TPM1: variants seen among roughly 807,000 people sequenced by gnomAD.
TPM1 encodes the protein tropomyosin 1.
A neutral mutation model predicts 42.9 loss-of-function variants in TPM1; 24 were observed. That is an observed-to-expected ratio of 0.56 (90% confidence interval 0.41 to 0.79). The LOEUF (loss-of-function observed/expected upper bound fraction) is 0.79, where lower values mean the gene tolerates loss of function less well. Ranked by LOEUF, TPM1 falls within the 30% of genes least tolerant of loss-of-function variation. The pLI is 0.00. For missense variants in TPM1, 158 were observed against 351.8 expected (o/e 0.45, Z 4.41); for synonymous variants, 136 against 130.1 (o/e 1.05, Z -0.31).
At chr15:63,043,689 C>A in intron 1 of TPM1, 2 of 1,542,532 alleles carry the variant, frequency 1.3e-6, no homozygotes, top group African/African-American at 1.4e-5. Context: ...CCCGCGCCCG[C>A]CCGCCGCTGC....
At chr15:63,057,356 C>T (rs752427030) in intron 3 of TPM1, among the ~76,000 whole-genome samples, 1 of 152,172 alleles carries the variant, frequency 6.6e-6, no homozygotes, top group African/African-American at 2.4e-5. Flanking sequence ...GATCTTGTTC[C>T]TGCCCTTACA....
downstream of TPM1, chr15:63,070,802 C>T (rs577455713): frequency 4.2e-4 from 514 of 1,227,170 alleles, no homozygotes; most frequent in African/African-American, 1.5e-3. Flanking sequence ...CACGGCACAC[C>T]GTCAGTGAAC....
At chr15:63,060,803 C>G (rs982516535) in intron 4 of TPM1, 66 bp from the exon 5 acceptor site, 3 of 1,560,034 alleles carry the variant, frequency 1.9e-6, no homozygotes, top group African/African-American at 2.7e-5. Context: ...ATCTCTACCC[C>G]CATGCCCTTC....
intron 2 of TPM1, chr15:63,056,711 A>C: frequency 2.3e-6 from 1 of 444,236 alleles, no homozygotes; most frequent in Non-Finnish European, 4.2e-6. Flanking sequence ...GAAGAAAGGA[A>C]CCATGTGAAA....
In TPM1 at chr15:63,064,040, C is replaced by G. The variant is rs185691326; in HGVS notation, c.773-24C>G. ...GATCACTCTCCATGTTCTTGCACCT[C>G]TGCCTTCCACTTCCTGGTCATAGAC... is the stretch of plus-strand genomic sequence containing the variant. On this transcript the variant is annotated intron_variant, in intron 8 of 9. Transcript: ENST00000403994. 429 of 1,613,416 alleles carry G rather than the reference C, an allele frequency of 2.7e-4. 4 individuals are homozygous for G. In the East Asian group the frequency reaches 9.4e-3, roughly 35 times the overall value.
chr15:63,057,767 C>T (rs1368084655), intron 3 of TPM1, among the ~76,000 whole-genome samples: 2 of 152,202 alleles, frequency 1.3e-5, no homozygotes, highest in African/African-American at 4.8e-5. Context: ...TTCGTATAGA[C>T]CAGCACAGCC....
intron 1 of TPM1, chr15:63,043,493 G>A (rs1411479218): frequency 1.3e-6 from 1 of 766,674 alleles, no homozygotes; most frequent in Middle Eastern, 2.2e-4. Context: ...CTGAGACCTC[G>A]GCAGGAGTCT....
chr15:63,047,287 G>C (rs2140684499), intron 2 of TPM1: 1 of 152,414 alleles, frequency 6.6e-6, no homozygotes, highest in Non-Finnish European at 1.5e-5. Context: ...CCTTGTTAGG[G>C]CTTGGAGGAG....
At chr15:63,066,917 AG>A (rs2036309934), downstream of TPM1, among the ~76,000 whole-genome samples, 1 of 152,066 alleles carries the variant, frequency 6.6e-6, no homozygotes, top group Non-Finnish European at 1.5e-5. Context: ...CCAAAAAGAT[AG>A]TTGGTGGAAA....
At chr15:63,055,494 C>T (rs1278955001) in intron 2 of TPM1, among the ~76,000 whole-genome samples, 1 of 152,166 alleles carries the variant, frequency 6.6e-6, no homozygotes, top group Non-Finnish European at 1.5e-5. Flanking sequence ...TATTGTGGAT[C>T]CATAAGCTGA....
intron 9 of TPM1, chr15:63,065,130 G>A (rs968146932): frequency 4.1e-6 from 4 of 985,384 alleles, no homozygotes; most frequent in Non-Finnish European, 4.8e-6. Flanking sequence ...GTGAGCTTGG[G>A]AGTTAATGGC....
At chr15:63,048,297 C>A in intron 2 of TPM1, 2 of 830,032 alleles carry the variant, frequency 2.4e-6, no homozygotes, top group Non-Finnish European at 3.6e-6. Context: ...GCGCCTTTCT[C>A]CCCGCCGCCG....
At chr15:63,061,852 CA>C in intron 6 of TPM1, 64 bp downstream of exon 6, 1 of 1,393,344 alleles carries the variant, frequency 7.2e-7, no homozygotes, top group Non-Finnish European at 1.0e-6. Flanking sequence ...GAGGCCCTGC[CA>C]GAAAGCAACA....
At chr15:63,066,315 C>A, downstream of TPM1, 1 of 601,940 alleles carries the variant, frequency 1.7e-6, no homozygotes, top group Admixed American at 5.0e-5. Flanking sequence ...TCTCAGAGTT[C>A]TGATTTTCAA....
chr15:63,042,805 C>A lies in TPM1; in HGVS notation c.-25C>A. 6.2e-7 allele frequency: 1 copy of A among 1,602,616 alleles called. No individual in the cohort carries two copies. The highest frequency in any genetic ancestry group is 1.1e-5 in the South Asian group (1 of 90,702). ...CTCGCCCCGCCGCTCCTGCTGCAGC[C>A]CCAGGGCCCCTCGCCGCCGCCACCA... is the stretch of plus-strand genomic sequence containing the variant. On this transcript the variant is annotated 5_prime_UTR_variant, in exon 1 of 10. Transcript: ENST00000403994.
In TPM1 at chr15:63,060,737, C is replaced by T; in HGVS notation, c.493-132C>T. The stretch of plus-strand genomic sequence containing the variant: ...TAGAGAGTTGCTTCTCTCTGGTCTA[C>T]CAGAAAGAGGATCATATTGTTTGTA... On this transcript the variant is annotated intron_variant, in intron 4 of 9. Transcript: ENST00000403994. The T allele has an allele frequency of 2.0e-6, 2 of 990,368 alleles. 1 individual carries two copies. The highest frequency in any genetic ancestry group is 4.9e-5 in the East Asian group (2 of 41,016). The allele number at this position is 990,368 out of a possible 1,614,324, so 61.3% of individuals were successfully genotyped here. A position where few individuals can be genotyped will look rare whatever the true frequency, so the allele number is the denominator to read the frequency against.
At position 63,042,941 on chromosome 15, in the gene TPM1, CA is replaced by C; in HGVS notation, c.113del (p.Gln38ArgfsTer48). On this transcript the variant is annotated frameshift_variant and splice_region_variant, in exon 1 of 10. Transcript: ENST00000403994. LOFTEE classifies it high-confidence loss of function. Reference sequence around the variant, plus strand: ...GAAGGCGGCGGAAGACAGGAGCAAGCAGGTCTGCGCCTCCCCGGCCCTGCGC... The same window carrying C: ...GAAGGCGGCGGAAGACAGGAGCAAGCGGTCTGCGCCTCCCCGGCCCTGCGC... The part of the protein sequence containing the change: ...DKKAAEDRSK[Q>X]LEDELVSLQK... 6.3e-7 allele frequency: 1 copy of C among 1,594,724 alleles called. No individual in the cohort carries two copies. Among genetic ancestry groups the C allele is most frequent in the Non-Finnish European group, 8.5e-7 (1 of 1,170,640 alleles).
At chr15:63,048,902 T>A in intron 2 of TPM1, 1 of 723,566 alleles carries the variant, frequency 1.4e-6, no homozygotes, top group South Asian at 1.6e-5. Flanking sequence ...GCCTTTGTTT[T>A]CCATCTCGCT....
At chr15:63,066,612 AAG>A (rs2036290519), downstream of TPM1, among the ~76,000 whole-genome samples, 1 of 152,192 alleles carries the variant, frequency 6.6e-6, no homozygotes, top group Non-Finnish European at 1.5e-5. Context: ...AAGGGTGAAA[AAG>A]AACTTGGATT....
Sources: allele counts gnomAD v4.1 joint callset (sites outside exome capture counted in the v4.1 genomes callset), GRCh38; gene constraint gnomAD v4.1.1; transcripts MANE v1.5; gene names NCBI Gene and HGNC (gene_info 2026-07-23, HGNC 2026-07-21).